PCDH11X: variants seen among roughly 807,000 people sequenced by gnomAD.
PCDH11X encodes the protein protocadherin-11 X-linked.
In PCDH11X, 18 loss-of-function variants were observed where a neutral mutation model predicts 53.3. That is an observed-to-expected ratio of 0.34 (90% CI 0.23 to 0.50). PCDH11X has a LOEUF of 0.50. PCDH11X is among the 20% of genes least tolerant of loss of function. PCDH11X has a pLI of 0.98. For synonymous variants in PCDH11X, 279 were observed against 393.3 expected (o/e 0.71, Z 3.44); for missense variants, 570 against 1,032.4 (o/e 0.55, Z 6.14).
At chrX:92,027,559 G>A (rs1365378168) in intron 6 of PCDH11X, among the ~76,000 whole-genome samples, 1 of 110,300 alleles carries the variant, frequency 9.1e-6, no homozygotes, top group Non-Finnish European at 1.9e-5. Context: ...AGCAAGAGAA[G>A]CATGAAAGTA....
chrX:92,051,632 GTGTA>G (rs2063368387), intron 6 of PCDH11X, among the ~76,000 whole-genome samples: 1 of 111,594 alleles, frequency 9.0e-6, no homozygotes, highest in Non-Finnish European at 1.9e-5. Context: ...AGATTTGAGA[GTGTA>G]TAGAGTTTCA....
At chrX:92,016,454 A>T (rs1243912026) in intron 6 of PCDH11X, among the ~76,000 whole-genome samples, 1 of 110,266 alleles carries the variant, frequency 9.1e-6, no homozygotes, top group African/African-American at 3.3e-5. Context: ...TGTTCAGTGT[A>T]GCCACCTTCA....
intron 5 of PCDH11X, among the ~76,000 whole-genome samples, chrX:91,859,920 C>T (rs1160934995): frequency 5.4e-5 from 6 of 110,608 alleles, no homozygotes; most frequent in Non-Finnish European, 9.5e-5. Flanking sequence ...TTGTTGTTTT[C>T]GCTTGGAATT....
In PCDH11X at chrX:91,994,634, G is replaced by A. The variant is rs751783235; in HGVS notation, c.3033+115361G>A. Among the ~76,000 whole-genome samples the A allele has an allele frequency of 3.8e-5, 4 of 106,434 alleles. No homozygotes were observed. The East Asian group carries it at 9.0e-4, about 24-fold the overall frequency. The allele number at this position is 106,434 out of a possible 115,157, so 92.4% of individuals were successfully genotyped here. A position where few individuals can be genotyped will look rare whatever the true frequency, so the allele number is the denominator to read the frequency against. On this transcript the variant is annotated intron_variant, in intron 6 of 10. Coordinates refer to ENST00000682573, the MANE Select transcript of PCDH11X (RefSeq NM_032968.5). The stretch of plus-strand genomic sequence containing the variant: ...AGAACGTAGATATCCCATTAGCATG[G>A]TGATTTAATTTCCTTAGGAAATTCC...
intron 8 of PCDH11X, among the ~76,000 whole-genome samples, chrX:92,381,593 G>T (rs1203533423): frequency 1.8e-5 from 2 of 111,353 alleles, no homozygotes; most frequent in Admixed American, 9.6e-5. Flanking sequence ...TTTGATCCAA[G>T]CGTTTATGCC....
At chrX:92,572,147 G>A (rs187240821) in intron 10 of PCDH11X, among the ~76,000 whole-genome samples, 61 of 112,123 alleles carry the variant, frequency 5.4e-4, no homozygotes, top group Admixed American at 3.6e-3. Flanking sequence ...GTCGCTGTGT[G>A]CTCTCATTAG....
At chrX:92,537,299 C>T (rs763498423) in intron 10 of PCDH11X, among the ~76,000 whole-genome samples, 155 of 105,254 alleles carry the variant, frequency 1.5e-3, no homozygotes, top group African/African-American at 5.2e-3. Context: ...TGAAGATTTT[C>T]CCCCCCAAAA....
intron 10 of PCDH11X, among the ~76,000 whole-genome samples, chrX:92,558,611 T>G (rs181998433): frequency 9.0e-6 from 1 of 110,712 alleles, no homozygotes; most frequent in Non-Finnish European, 1.9e-5. Context: ...GATCAATTCT[T>G]TGTAAAGTAT....
At chrX:91,896,453 T>C (rs1377979013) in intron 6 of PCDH11X, among the ~76,000 whole-genome samples, 1 of 106,328 alleles carries the variant, frequency 9.4e-6, no homozygotes, top group Non-Finnish European at 1.9e-5. Context: ...GAATGCTCTC[T>C]AGTCTTCTGG....
intron 6 of PCDH11X, among the ~76,000 whole-genome samples, chrX:91,884,579 C>T (rs933748601): frequency 9.0e-6 from 1 of 111,374 alleles, no homozygotes; most frequent in Non-Finnish European, 1.9e-5. Flanking sequence ...TCACTTTTCA[C>T]AGTAAGTCAA....
chrX:92,126,747 G>A (rs2064873518), intron 6 of PCDH11X, among the ~76,000 whole-genome samples: 1 of 106,511 alleles, frequency 9.4e-6, no homozygotes, highest in Non-Finnish European at 1.9e-5. Context: ...GTATTAGATT[G>A]GGTTTTGAGG....
chrX:92,447,011 T>C (rs1168424999), intron 9 of PCDH11X, among the ~76,000 whole-genome samples: 1 of 111,297 alleles, frequency 9.0e-6, no homozygotes, highest in Non-Finnish European at 1.9e-5. Context: ...TCTCTAAAGA[T>C]TTGTGGAATT....
chrX:91,877,006 G>A lies in PCDH11X; in HGVS notation c.766G>A (p.Val256Ile), dbSNP rs376440174. ...AGTCTTTAAGGAGACAGAGATTGAA[G>A]TCAGTATACCAGAAAATGCTCCTGT... ...HPVFKETEIE[V>I]SIPENAPVGT... The change falls in exon 6 of 11, where the codon GTC becomes ATC. Residue 256 changes from valine to isoleucine, a missense_variant. Transcript: ENST00000682573. 11 of 1,204,386 alleles carry A rather than the reference G, an allele frequency of 9.1e-6. No individual in the cohort carries two copies. In the African/African-American group the frequency reaches 1.8e-4, roughly 20 times the overall value.
At chrX:92,278,914 C>T (rs916242316) in intron 8 of PCDH11X, among the ~76,000 whole-genome samples, 2 of 105,453 alleles carry the variant, frequency 1.9e-5, no homozygotes, top group South Asian at 4.3e-4. Flanking sequence ...TGGGTTCAAG[C>T]GAGTCTCCTG....
chrX:92,579,851 A>G (rs928796346), intron 10 of PCDH11X, among the ~76,000 whole-genome samples: 1 of 111,573 alleles, frequency 9.0e-6, no homozygotes, highest in African/African-American at 3.3e-5. Flanking sequence ...GCATTTTTGC[A>G]TTGATTCTTT....
chrX:92,435,315 G>A (rs1270690610), intron 9 of PCDH11X, among the ~76,000 whole-genome samples: 1 of 110,859 alleles, frequency 9.0e-6, no homozygotes, highest in East Asian at 2.8e-4. Context: ...ACTAATCATT[G>A]ACATCCCTGA....
intron 10 of PCDH11X, among the ~76,000 whole-genome samples, chrX:92,480,250 G>A (rs34203808): frequency 0.014 from 1,549 of 111,272 alleles, 14 homozygotes; most frequent in Non-Finnish European, 0.021. Context: ...TAGTTGTTGC[G>A]TCATTTTATT....
intron 7 of PCDH11X, among the ~76,000 whole-genome samples, chrX:92,219,201 A>G (rs1034045882): frequency 2.7e-5 from 3 of 110,581 alleles, no homozygotes; most frequent in Non-Finnish European, 5.7e-5. Flanking sequence ...GGCTAGGGCA[A>G]TTAGGCAGGA....
chrX:92,105,821 A>G (rs1176542292), intron 6 of PCDH11X, among the ~76,000 whole-genome samples: 2 of 110,757 alleles, frequency 1.8e-5, no homozygotes, highest in Non-Finnish European at 3.8e-5. Context: ...GGGCATATTC[A>G]CTTCTTTTGT....
Sources: gnomAD v4.1 joint callset for allele counts (sites outside exome capture counted in the v4.1 genomes callset) on GRCh38, gnomAD v4.1.1 for gene constraint, MANE v1.5 for transcripts, NCBI Gene and HGNC (gene_info 2026-07-23, HGNC 2026-07-21) for gene names.